The following PHF7 variants were observed in gnomAD, a reference collection of about 807,000 sequenced individuals.
The protein encoded by PHF7 is E3 ubiquitin-protein ligase PHF7.
Under a neutral mutation model 47.5 loss-of-function variants are expected in PHF7, and 24 were observed. The ratio of observed to expected loss-of-function variants is 0.51; its 90% CI spans 0.37 to 0.71. The LOEUF (loss-of-function observed/expected upper bound fraction) is 0.71, where lower values mean the gene tolerates loss of function less well. PHF7 is among the 30% of genes least tolerant of loss of function. PHF7 has a pLI of 0.00. For missense variants in PHF7, 361 were observed against 456.8 expected, an observed-to-expected ratio of 0.79 and a Z score of 1.91; for synonymous variants, 156 against 153.8, an observed-to-expected ratio of 1.01 and a Z score of -0.11.
In PHF7 at chr3:52,423,229, A is replaced by C; in HGVS notation, c.1058A>C (p.Glu353Ala). The change falls in exon 11 of 11, where the codon GAA (glutamate) becomes GCA (alanine). Residue 353 changes from glutamate to alanine, a missense_variant. Transcript: ENST00000327906. ...WTDWPEPSLLEKPESSRGRRS... is the reference protein window; with the variant it reads ...WTDWPEPSLLAKPESSRGRRS... ...GATTGGCCAGAACCTTCCTTATTAG[A>C]AAAGCCAGAGTCCTCTCGTGGCAGG... 2 of 1,614,124 alleles carry C rather than the reference A, an allele frequency of 1.2e-6. No individual in the cohort carries two copies. The highest frequency in any genetic ancestry group is 1.7e-6 in the Non-Finnish European group (2 of 1,179,960).
chr3:52,420,531 T>G, intron 6 of PHF7, 96 bp downstream of exon 6: 1 of 1,206,838 alleles, frequency 8.3e-7, no homozygotes, highest in Non-Finnish European at 1.2e-6. Flanking sequence ...CAGGCCTGTT[T>G]TGATTCACCA....
chr3:52,421,325 C>CT (rs1172045132), intron 7 of PHF7, among the ~76,000 whole-genome samples: 1 of 152,212 alleles, frequency 6.6e-6, no homozygotes, highest in East Asian at 1.9e-4. Context: ...CCAGAATGAG[C>CT]TGAGAAGCCT....
At position 52,422,787 on chromosome 3, in the gene PHF7, A is replaced by G. The variant is rs762701880; in HGVS notation, c.825A>G (p.Thr275=). 1.9e-5 allele frequency: 31 copies of G among 1,614,074 alleles called. No individual in the cohort carries two copies. Among genetic ancestry groups the G allele is most frequent in the Non-Finnish European group, 2.5e-5 (30 of 1,179,936 alleles). The change falls in exon 10 of 11, where the codon ACA becomes ACG. Residue 275 remains threonine (T), a synonymous_variant. Transcript: ENST00000327906. ...EGRWCLILCA[T]CGSHGTHRDC... ...GGTGGTGCCTCATTCTGTGTGCTAC[A>G]TGCGGATCCCACGGAACCCACAGGG...
intron 1 of PHF7, among the ~76,000 whole-genome samples, chr3:52,411,515 C>A (rs893505020): frequency 1.3e-5 from 2 of 152,230 alleles, no homozygotes; most frequent in African/African-American, 4.8e-5. Flanking sequence ...CCTCAGTCGT[C>A]CTTATTCATG....
chr3:52,413,587 C>T (rs1354447601), intron 2 of PHF7, among the ~76,000 whole-genome samples: 1 of 152,122 alleles, frequency 6.6e-6, no homozygotes, highest in African/African-American at 2.4e-5. Flanking sequence ...GTAATGTCAG[C>T]ACTTTGGGAG....
In PHF7 at chr3:52,423,095, C is replaced by A; in HGVS notation, c.924C>A (p.Tyr308Ter). 6.2e-7 allele frequency: 1 copy of A among 1,608,410 alleles called. No individual in the cohort carries two copies. The highest frequency in any genetic ancestry group is 8.5e-7 in the Non-Finnish European group (1 of 1,174,842). The stretch of plus-strand genomic sequence containing the variant: ...CTCCTGCCTTTCTCTCACCAGACTA[C>A]ATACCTGAAAACTCAGGGGACATCC... ...EECSPAAATD[Y>*]IPENSGDIPC... Residue 308 changes from tyrosine to a stop codon, truncating the protein, a stop_gained, in exon 11 of 11, where the codon TAC becomes TAA. Transcript: ENST00000327906. LOFTEE classifies it low-confidence loss of function (END_TRUNC).
At chr3:52,420,827 C>A in intron 6 of PHF7, 76 bp from the exon 7 acceptor site, 1 of 1,369,322 alleles carries the variant, frequency 7.3e-7, no homozygotes, top group Non-Finnish European at 1.0e-6. Flanking sequence ...GGGTGGCTGG[C>A]TGCCCCTCCT....
intron 1 of PHF7, 116 bp downstream of exon 1, chr3:52,411,363 C>G (rs960113285): frequency 1.3e-5 from 2 of 152,348 alleles, no homozygotes; most frequent in African/African-American, 4.8e-5. Flanking sequence ...CTTCTCTCTC[C>G]TCTTCCAGCC....
In PHF7 at chr3:52,420,825, G is replaced by T. The variant is rs1193467158; in HGVS notation, c.414-78G>T. 5.2e-6 allele frequency: 7 copies of T among 1,348,860 alleles called. No homozygotes were observed. In the South Asian group the frequency reaches 8.2e-5, roughly 16 times the overall value. The allele number at this position is 1,348,860 out of a possible 1,614,324, so 83.6% of individuals were successfully genotyped here. ...TCACTGGGCACCAGCCTGGGTGGCT[G>T]GCTGCCCCTCCTAGAGCGGGCCATT... On this transcript the variant is annotated intron_variant, in intron 6 of 10. Transcript: ENST00000327906.
intron 1 of PHF7, among the ~76,000 whole-genome samples, chr3:52,411,743 CTG>C (rs1368672894): frequency 6.6e-6 from 1 of 152,228 alleles, no homozygotes; most frequent in Non-Finnish European, 1.5e-5. Flanking sequence ...ACCAGTGAAA[CTG>C]TACATTTGTT....
In PHF7 at chr3:52,421,076, C is replaced by A. The variant is rs200948839; in HGVS notation, c.573+14C>A. ...AAGTGCATACAGGTGGGGCTTTTTCCGCCCTGGGTCCCTTCCACCATTGCC... is the reference window on the plus strand; with the variant it reads ...AAGTGCATACAGGTGGGGCTTTTTCAGCCCTGGGTCCCTTCCACCATTGCC... On this transcript the variant is annotated intron_variant, in intron 7 of 10. Coordinates refer to ENST00000327906, the MANE Select transcript of PHF7 (RefSeq NM_016483.7). The A allele has an allele frequency of 2.5e-6, 4 of 1,589,882 alleles. No homozygotes were observed. In the Admixed American group the frequency reaches 5.2e-5, roughly 21 times the overall value.
chr3:52,416,789 C>A (rs982897661), intron 4 of PHF7, among the ~76,000 whole-genome samples: 1 of 147,634 alleles, frequency 6.8e-6, no homozygotes, highest in African/African-American at 2.5e-5. Context: ...GCCGAGATCA[C>A]GCCACTGCAC....
intron 3 of PHF7, 115 bp downstream of exon 3, chr3:52,414,163 T>A: frequency 1.4e-6 from 1 of 708,390 alleles, no homozygotes; most frequent in Non-Finnish European, 2.5e-6. Context: ...ACTTCCTTCC[T>A]AGATTCTCTA....
Position 52,420,441 on chromosome 3 carries a change from T to C in PHF7, c.413+6T>C, listed in dbSNP as rs1705752514. 1 of 1,613,224 alleles carries C rather than the reference T, an allele frequency of 6.2e-7. No individual in the cohort carries two copies. Among genetic ancestry groups the C allele is most frequent in the Non-Finnish European group, 8.5e-7 (1 of 1,179,682 alleles). On this transcript the variant is annotated splice_donor_region_variant and intron_variant, in intron 6 of 10. Coordinates refer to ENST00000327906, the MANE Select transcript of PHF7 (RefSeq NM_016483.7). ...CAATTTTTTGGAGAGTACAAGTGAG[T>C]GAGGGAAGGGAAAAGTCTGGCTTCC...
At chr3:52,417,349 T>A (rs1471589731) in intron 4 of PHF7, among the ~76,000 whole-genome samples, 2 of 152,202 alleles carry the variant, frequency 1.3e-5, no homozygotes, top group African/African-American at 4.8e-5. Context: ...GGATTGTGAT[T>A]GGGATTGCAT....
rs192355229 is a variant in PHF7, at chr3:52,421,641, C to A, written c.574-7C>A. 1,536 of 1,546,272 alleles carry A rather than the reference C, an allele frequency of 9.9e-4. 2 individuals are homozygous for A. Among genetic ancestry groups the A allele is most frequent in the Non-Finnish European group, 1.2e-3 (1,321 of 1,118,218 alleles). On this transcript the variant is annotated splice_polypyrimidine_tract_variant and splice_region_variant and intron_variant, in intron 7 of 10. Transcript: ENST00000327906. ...AAACACAGAGCTCTTCCCTGTTTCT[C>A]TTACAGAAATATGCCCACACATCAG...
intron 3 of PHF7, 21 bp downstream of exon 3, chr3:52,414,069 T>C: frequency 6.3e-7 from 1 of 1,593,356 alleles, no homozygotes; most frequent in Non-Finnish European, 8.6e-7. Flanking sequence ...CTGGAGCTTG[T>C]GTTCGCCCAC....
chr3:52,422,731 C>T (rs1393990741), intron 9 of PHF7, 29 bp from the exon 10 acceptor site: 4 of 1,613,424 alleles, frequency 2.5e-6, no homozygotes, highest in Non-Finnish European at 3.4e-6. Flanking sequence ...CTGTATGTCT[C>T]CACAACCCTT....
intron 4 of PHF7, among the ~76,000 whole-genome samples, chr3:52,416,922 G>A (rs1055460188): frequency 6.6e-6 from 1 of 151,702 alleles, no homozygotes; most frequent in African/African-American, 2.4e-5. Flanking sequence ...TCAAATATAT[G>A]TATTGAGACT....
Sources: allele counts gnomAD v4.1 joint callset (sites outside exome capture counted in the v4.1 genomes callset), GRCh38; gene constraint gnomAD v4.1.1; transcripts MANE v1.5; gene names NCBI Gene and HGNC (gene_info 2026-07-23, HGNC 2026-07-21).